The following TLK1 variants were observed in gnomAD, a reference collection of about 807,000 sequenced individuals.
TLK1 encodes the protein tousled like kinase 1.
TLK1 carries 24 observed loss-of-function variants against 105.3 expected under a neutral mutation model. That is an observed-to-expected ratio of 0.23 (90% CI 0.17 to 0.32). TLK1 has a LOEUF of 0.32. TLK1 is among the 10% of genes least tolerant of loss of function. TLK1 has a pLI of 1.00. For missense variants in TLK1, 558 were observed against 910.5 expected (o/e 0.61, Z 4.98); for synonymous variants, 321 against 310.4 (o/e 1.03, Z -0.36).
At chr2:171,076,220 A>T (rs6433280) in intron 3 of TLK1, among the ~76,000 whole-genome samples, 1 of 150,668 alleles carries the variant, frequency 6.6e-6, no homozygotes, top group African/African-American at 2.4e-5. Context: ...TCCATCTCGG[A>T]GGGCGGGGGG....
At chr2:171,185,692 T>G (rs563391429) in intron 1 of TLK1, among the ~76,000 whole-genome samples, 1 of 152,222 alleles carries the variant, frequency 6.6e-6, no homozygotes, top group African/African-American at 2.4e-5. Context: ...CTAGTGTCCT[T>G]CCTTTGTACT....
At chr2:171,092,120 T>G (rs1194707212) in intron 2 of TLK1, among the ~76,000 whole-genome samples, 1 of 152,130 alleles carries the variant, frequency 6.6e-6, no homozygotes, top group Non-Finnish European at 1.5e-5. Flanking sequence ...CCCTGGTTCC[T>G]GTGCAACTCT....
chr2:171,184,896 T>C (rs1180329567), intron 1 of TLK1, among the ~76,000 whole-genome samples: 1 of 152,114 alleles, frequency 6.6e-6, no homozygotes, highest in Admixed American at 6.6e-5. Flanking sequence ...TGGAGTGCAG[T>C]GGCACGATCT....
In TLK1 at chr2:171,051,626, T is replaced by A. The variant is rs138662855; in HGVS notation, c.733-1452A>T. Among the ~76,000 whole-genome samples the A allele has an allele frequency of 2.7e-3, 408 of 152,336 alleles. 1 individual carries two copies. The highest frequency in any genetic ancestry group is 9.2e-3 in the African/African-American group (382 of 41,576). ...TAATAATATCTGAGCTGCCCACTTC[T>A]GTTCTTCTCTTGAAAAATAAGCTTC... On this transcript the variant is annotated intron_variant, in intron 8 of 20. Coordinates refer to ENST00000431350, the MANE Select transcript of TLK1 (RefSeq NM_012290.5).
chr2:171,039,566 T>C (rs1315747600), intron 11 of TLK1, among the ~76,000 whole-genome samples: 3 of 152,230 alleles, frequency 2.0e-5, no homozygotes, highest in Non-Finnish European at 2.9e-5. Flanking sequence ...CCTCAATGAG[T>C]GTTTCTTTTT....
intron 1 of TLK1, among the ~76,000 whole-genome samples, chr2:171,175,548 A>C (rs1384748758): frequency 6.6e-6 from 1 of 152,212 alleles, no homozygotes; most frequent in Admixed American, 6.5e-5. Flanking sequence ...TCCTTAAACC[A>C]ATCCCCTATG....
intron 3 of TLK1, among the ~76,000 whole-genome samples, chr2:171,070,777 G>T (rs1456444084): frequency 2.0e-5 from 3 of 152,016 alleles, no homozygotes; most frequent in African/African-American, 7.3e-5. Context: ...TTTTATTTTG[G>T]GTATATATCT....
At chr2:171,126,870 A>C (rs750671746) in intron 1 of TLK1, among the ~76,000 whole-genome samples, 2 of 151,842 alleles carry the variant, frequency 1.3e-5, no homozygotes, top group Non-Finnish European at 2.9e-5. Context: ...CCTTTTATTA[A>C]AAATAAACAC....
chr2:171,093,118 G>C (rs1689306062), intron 2 of TLK1, among the ~76,000 whole-genome samples: 1 of 152,158 alleles, frequency 6.6e-6, no homozygotes, highest in Non-Finnish European at 1.5e-5. Flanking sequence ...AGGATACACT[G>C]TTTTGATTTC....
intron 1 of TLK1, among the ~76,000 whole-genome samples, chr2:171,173,695 G>A (rs1692769986): frequency 6.6e-6 from 1 of 152,106 alleles, no homozygotes; most frequent in Non-Finnish European, 1.5e-5. Context: ...CTGGCCCAAT[G>A]ATGACTCTTT....
rs200299178 is a variant in TLK1, at chr2:170,996,635, T to A, written c.2124+18A>T. ...AAGAAAAGTTACTTCACAAAACTCA[T>A]TTACAAAAATTTAATACCTTGGCTT... On this transcript the variant is annotated intron_variant, in intron 20 of 20. Transcript: ENST00000431350. 6.3e-7 allele frequency: 1 copy of A among 1,595,874 alleles called. No homozygotes were observed. The highest frequency in any genetic ancestry group is 2.2e-5 in the East Asian group (1 of 44,792).
chr2:171,105,869 G>C (rs1184774687), intron 2 of TLK1, among the ~76,000 whole-genome samples: 2 of 152,094 alleles, frequency 1.3e-5, no homozygotes. Flanking sequence ...ATACACAAAG[G>C]AAAGGAAATC....
chr2:171,156,165 A>G (rs986211811), intron 1 of TLK1, among the ~76,000 whole-genome samples: 3 of 152,222 alleles, frequency 2.0e-5, no homozygotes, highest in Admixed American at 1.3e-4. Context: ...TTTTCCAACC[A>G]TATATCTACA....
intron 11 of TLK1, among the ~76,000 whole-genome samples, chr2:171,038,315 T>C (rs908377705): frequency 6.6e-6 from 1 of 152,148 alleles, no homozygotes; most frequent in African/African-American, 2.4e-5. Context: ...TGTATGTGTG[T>C]TTCCTATATT....
intron 10 of TLK1, among the ~76,000 whole-genome samples, chr2:171,046,910 T>C (rs1460271842): frequency 2.6e-5 from 4 of 152,160 alleles, no homozygotes; most frequent in Non-Finnish European, 4.4e-5. Flanking sequence ...ATGAATTTAA[T>C]GTGAAGAGAG....
At chr2:171,041,960 C>T (rs1399373446) in intron 11 of TLK1, among the ~76,000 whole-genome samples, 5 of 152,132 alleles carry the variant, frequency 3.3e-5, no homozygotes, top group Non-Finnish European at 7.4e-5. Flanking sequence ...ATTCAAACTG[C>T]AGTATATATG....
At chr2:171,119,918 T>C (rs1690583345) in intron 1 of TLK1, among the ~76,000 whole-genome samples, 1 of 152,038 alleles carries the variant, frequency 6.6e-6, no homozygotes, top group Non-Finnish European at 1.5e-5. Context: ...TTAGCAATGG[T>C]TTCTTTGATC....
chr2:171,074,591 C>G (rs1688412724), intron 3 of TLK1, among the ~76,000 whole-genome samples: 2 of 142,588 alleles, frequency 1.4e-5, no homozygotes. Flanking sequence ...CGTGCCATTG[C>G]ACTCCAACCT....
At chr2:171,169,375 G>T (rs968800100) in intron 1 of TLK1, among the ~76,000 whole-genome samples, 4 of 152,092 alleles carry the variant, frequency 2.6e-5, no homozygotes, top group African/African-American at 9.7e-5. Flanking sequence ...GAGCATCTCA[G>T]TGAATAAAGC....
Sources: gnomAD v4.1 joint callset for allele counts (sites outside exome capture counted in the v4.1 genomes callset) on GRCh38, gnomAD v4.1.1 for gene constraint, MANE v1.5 for transcripts, NCBI Gene and HGNC (gene_info 2026-07-23, HGNC 2026-07-21) for gene names.